Variants in PRKCD observed in about 807,000 individuals in gnomAD.
The protein encoded by PRKCD is protein kinase C delta.
A neutral mutation model predicts 82.2 loss-of-function variants in PRKCD; 20 were observed. That is an observed-to-expected ratio of 0.24 (90% CI 0.17 to 0.35). The LOEUF (loss-of-function observed/expected upper bound fraction) is 0.35, where lower values mean the gene tolerates loss of function less well. Among genes scored for constraint, PRKCD ranks in the 10% least tolerant of loss-of-function variants. The probability of loss-of-function intolerance (pLI) is 1.00; values close to 1 mark genes in which losing one functional copy is unlikely to be tolerated. For synonymous variants in PRKCD, 317 were observed against 337.0 expected, an observed-to-expected ratio of 0.94 and a Z score of 0.65; for missense variants, 607 against 899.0, an observed-to-expected ratio of 0.68 and a Z score of 4.15.
chr3:53,183,440 C>A lies in PRKCD; in HGVS notation c.658-12C>A. ...GCACGTGACCCTCAGCCTGTGATAC[C>A]CCCACCTCCAGTTCCAGAAAGAACG... On this transcript the variant is annotated splice_polypyrimidine_tract_variant and intron_variant, in intron 8 of 18. Transcript: ENST00000330452. 1.2e-6 allele frequency: 2 copies of A among 1,613,902 alleles called. No individual in the cohort carries two copies. Among genetic ancestry groups the A allele is most frequent in the South Asian group, 1.1e-5 (1 of 91,034 alleles).
chr3:53,177,946 CT>C (rs55779744), intron 2 of PRKCD, among the ~76,000 whole-genome samples: 68 of 135,058 alleles, frequency 5.0e-4, no homozygotes, highest in South Asian at 9.3e-4. Flanking sequence ...TTTTCTTTTT[CT>C]TTTTTTTTTT....
At chr3:53,190,718 C>T in intron 18 of PRKCD, among the ~76,000 whole-genome samples, 1 of 152,192 alleles carries the variant, frequency 6.6e-6, no homozygotes, top group East Asian at 1.9e-4. Context: ...TTCCCACTCC[C>T]CTTCTGTCCT....
intron 14 of PRKCD, among the ~76,000 whole-genome samples, chr3:53,186,964 G>A (rs1703722570): frequency 1.3e-5 from 2 of 152,198 alleles, no homozygotes; most frequent in South Asian, 4.1e-4. Flanking sequence ...CTTGCAAATG[G>A]TGGTCCTGCA....
chr3:53,189,754 C>T (rs1380827658), intron 17 of PRKCD, 119 bp from the exon 18 acceptor site: 1 of 1,448,036 alleles, frequency 6.9e-7, no homozygotes, highest in Non-Finnish European at 9.5e-7. Flanking sequence ...CCACCGTTCC[C>T]CAGGCTGACT....
At position 53,162,956 on chromosome 3, in the gene PRKCD, C is replaced by T. The variant is rs144294159; in HGVS notation, c.-132+1528C>T. 3.1e-3 allele frequency among the ~76,000 whole-genome samples: 473 copies of T among 152,186 alleles called. 3 individuals carry two copies. The highest frequency in any genetic ancestry group is 0.01 in the African/African-American group (431 of 41,508). On this transcript the variant is annotated intron_variant, in intron 1 of 18. Transcript: ENST00000330452. ...CACTGAGTTTCTGTGACCAGGCCCACCTGGTCACTAAGGGAGGGGACTGAT... is the reference window on the plus strand; with the variant it reads ...CACTGAGTTTCTGTGACCAGGCCCATCTGGTCACTAAGGGAGGGGACTGAT...
rs782264326 is a variant in PRKCD, at chr3:53,179,632, G to A, written c.171G>A (p.Ser57=). The change falls in exon 4 of 19, where the codon TCG becomes TCA. Residue 57 remains serine (S), a synonymous_variant. Coordinates refer to ENST00000330452, the MANE Select transcript of PRKCD (RefSeq NM_006254.4). ...KKPTMYPEWK[S]TFDAHIYEGR... is the part of the protein sequence containing the mutation. The stretch of plus-strand genomic sequence containing the variant: ...CGACCATGTATCCTGAGTGGAAGTC[G>A]ACGTTCGATGCCCACATCTATGAGG... 2.3e-5 allele frequency: 37 copies of A among 1,614,058 alleles called. No individual in the cohort carries two copies. Among genetic ancestry groups the A allele is most frequent in the Non-Finnish European group, 3.1e-5 (36 of 1,180,028 alleles).
At chr3:53,186,454 C>CT (rs1281643601) in intron 13 of PRKCD, 114 bp downstream of exon 13, 2 of 1,383,208 alleles carry the variant, frequency 1.4e-6, no homozygotes, top group East Asian at 2.5e-5. Flanking sequence ...CAGGGCCATG[C>CT]TTTCCCCCCT....
chr3:53,176,046 C>T (rs1416232766), intron 2 of PRKCD, among the ~76,000 whole-genome samples: 2 of 152,298 alleles, frequency 1.3e-5, no homozygotes, highest in East Asian at 1.9e-4. Flanking sequence ...ACCCGTGCAA[C>T]CTCACACACA....
At chr3:53,187,119 A>G (rs1463764245) in intron 14 of PRKCD, among the ~76,000 whole-genome samples, 1 of 151,968 alleles carries the variant, frequency 6.6e-6, no homozygotes, top group Non-Finnish European at 1.5e-5. Context: ...AAATGCATAC[A>G]CTCTTAGAGA....
At chr3:53,162,764 C>T (rs1452334798) in intron 1 of PRKCD, among the ~76,000 whole-genome samples, 7 of 149,248 alleles carry the variant, frequency 4.7e-5, no homozygotes, top group African/African-American at 1.2e-4. Flanking sequence ...CTGGAGGTTT[C>T]GGTGTTGCAC....
chr3:53,161,993 G>A lies in PRKCD; in HGVS notation c.-132+565G>A, dbSNP rs987870227. ...CCGCGGGGCCCAGGCCAGGCCGCCC[G>A]CCGGGCCTCGCCTCCCGCCCCTGGG... On this transcript the variant is annotated intron_variant, in intron 1 of 18. Transcript: ENST00000330452. Among the ~76,000 whole-genome samples the A allele has an allele frequency of 2.0e-5, 3 of 151,168 alleles. No individual in the cohort carries two copies. The South Asian group carries it at 6.3e-4, about 32-fold the overall frequency.
At chr3:53,188,418 G>T (rs1458705949) in intron 15 of PRKCD, among the ~76,000 whole-genome samples, 1 of 152,106 alleles carries the variant, frequency 6.6e-6, no homozygotes, top group African/African-American at 2.4e-5. Context: ...ACCTGAACCT[G>T]GGGGTCACTT....
intron 2 of PRKCD, among the ~76,000 whole-genome samples, chr3:53,170,837 G>A (rs578245922): frequency 6.6e-6 from 1 of 152,314 alleles, no homozygotes; most frequent in South Asian, 2.1e-4. Flanking sequence ...ATCACAGCTT[G>A]TGGCACTCCA....
At chr3:53,172,904 C>T (rs1309877380) in intron 2 of PRKCD, among the ~76,000 whole-genome samples, 1 of 152,192 alleles carries the variant, frequency 6.6e-6, no homozygotes, top group African/African-American at 2.4e-5. Flanking sequence ...CAGAATTGAA[C>T]ACCAGGGAAG....
intron 7 of PRKCD, 28 bp from the exon 8 acceptor site, chr3:53,183,093 C>T (rs1232071416): frequency 2.5e-6 from 4 of 1,611,384 alleles, no homozygotes; most frequent in South Asian, 1.1e-5. Flanking sequence ...GCTTTCCCTT[C>T]CCCCTCCTGG....
Position 53,192,001 on chromosome 3 carries a change from G to A in PRKCD, c.1873-107G>A, listed in dbSNP as rs1335461765. The A allele has an allele frequency of 2.5e-6, 3 of 1,183,596 alleles. No individual in the cohort carries two copies. In the African/African-American group the frequency reaches 4.6e-5, roughly 18 times the overall value. The allele number at this position is 1,183,596 out of a possible 1,614,324, so 73.3% of individuals were successfully genotyped here. On this transcript the variant is annotated intron_variant, in intron 18 of 18. Transcript: ENST00000330452. Reference sequence around the variant, plus strand: ...AGGGGAGGCTCTGTCTTCTGTTCTGGGTGAGGACAGCTCTGGCCTGGCCCA... The same window carrying A: ...AGGGGAGGCTCTGTCTTCTGTTCTGAGTGAGGACAGCTCTGGCCTGGCCCA...
At chr3:53,190,264 T>C (rs1703879486) in intron 18 of PRKCD, among the ~76,000 whole-genome samples, 1 of 152,138 alleles carries the variant, frequency 6.6e-6, no homozygotes. Flanking sequence ...ATCGCTCCAT[T>C]CAATCCATTT....
intron 1 of PRKCD, among the ~76,000 whole-genome samples, chr3:53,161,739 C>A (rs1305030745): frequency 2.0e-5 from 3 of 151,886 alleles, no homozygotes; most frequent in African/African-American, 4.8e-5. Flanking sequence ...TGTGTCCGTC[C>A]GTCTGTCGCC....
At chr3:53,163,245 C>T (rs571950014) in intron 1 of PRKCD, among the ~76,000 whole-genome samples, 5 of 151,824 alleles carry the variant, frequency 3.3e-5, no homozygotes, top group African/African-American at 1.2e-4. Context: ...TATGAAACTG[C>T]CGGTGTATGC....
Sources: gnomAD v4.1 joint callset for allele counts (sites outside exome capture counted in the v4.1 genomes callset) on GRCh38, gnomAD v4.1.1 for gene constraint, MANE v1.5 for transcripts, NCBI Gene and HGNC (gene_info 2026-07-23, HGNC 2026-07-21) for gene names.